TTLL3: variants seen among roughly 807,000 people sequenced by gnomAD.
TTLL3 encodes the protein tubulin tyrosine ligase like 3.
A neutral mutation model predicts 75.2 loss-of-function variants in TTLL3; 63 were observed. The ratio of observed to expected loss-of-function variants is 0.84; its 90% CI spans 0.68 to 1.03. The LOEUF is 1.03. Among genes scored for constraint, TTLL3 ranks in the 50% least tolerant of loss-of-function variants. The pLI is 0.00. For missense variants in TTLL3, 997 were observed against 1,069.9 expected (o/e 0.93, Z 0.95); for synonymous variants, 393 against 418.5 (o/e 0.94, Z 0.74).
At chr3:9,810,009 G>A, upstream of TTLL3, 1 of 442,026 alleles carries the variant, frequency 2.3e-6, no homozygotes, top group Non-Finnish European at 2.8e-6. This position sits in a 1 kb window ranked among gnomAD's most constrained non-coding sequence, Gnocchi z 4.4. Flanking sequence ...AGGGGCGCAT[G>A]CAGGGCCCCG....
Position 9,829,351 on chromosome 3 carries a change from G to T in TTLL3, c.1639G>T (p.Asp547Tyr). The part of the protein sequence containing the change: ...TLRVVIDRML[D>Y]RNCDTGAFEL... Reference sequence around the variant, plus strand: ...GCGCGTGGTCATTGACCGGATGCTGGACCGCAACTGTGACACAGGAGCCTT... The same window carrying T: ...GCGCGTGGTCATTGACCGGATGCTGTACCGCAACTGTGACACAGGAGCCTT... The change falls in exon 11 of 14, where the codon GAC (aspartate) becomes TAC (tyrosine). Residue 547 changes from aspartate (D) to tyrosine (Y), a missense_variant. Coordinates refer to ENST00000685419, the MANE Select transcript of TTLL3 (RefSeq NM_001387446.1). 1 of 1,609,324 alleles carries T rather than the reference G, an allele frequency of 6.2e-7. No individual in the cohort carries two copies. Among genetic ancestry groups the T allele is most frequent in the South Asian group, 1.1e-5 (1 of 90,732 alleles).
intron 11 of TTLL3, among the ~76,000 whole-genome samples, chr3:9,832,875 G>A (rs1250410878): frequency 6.6e-6 from 1 of 152,220 alleles, no homozygotes; most frequent in Non-Finnish European, 1.5e-5. Context: ...GCTGAGGGGT[G>A]CTGGTGGGAC....
At chr3:9,816,352 T>A in intron 5 of TTLL3, 150 bp downstream of exon 5, 2 of 802,992 alleles carry the variant, frequency 2.5e-6, no homozygotes, top group Non-Finnish European at 3.5e-6. Flanking sequence ...GACCAGTATC[T>A]GGCAAGTTCA....
At position 9,825,805 on chromosome 3, in the gene TTLL3, G is replaced by T; in HGVS notation, c.860G>T (p.Gly287Val). The T allele has an allele frequency of 2.5e-6, 4 of 1,614,072 alleles. No individual in the cohort carries two copies. The highest frequency in any genetic ancestry group is 2.5e-6 in the Non-Finnish European group (3 of 1,179,992). ...LQRYYQVVHEGAELRHLDTQV... is the reference protein window; with the variant it reads ...LQRYYQVVHEVAELRHLDTQV... ...GTTCTATCATTTCCCCACAGCGAAG[G>T]GGCAGAACTCAGGCACCTCGACACT... Residue 287 changes from glycine to valine, a missense_variant, in exon 9 of 14, where the codon GGG (glycine) becomes GTG (valine). Gly to Val is a moderately radical substitution (Grantham distance 109, BLOSUM62 -3). Coordinates refer to ENST00000685419, the MANE Select transcript of TTLL3 (RefSeq NM_001387446.1).
At chr3:9,819,011 C>T in intron 7 of TTLL3, 91 bp downstream of exon 7, 2 of 1,525,628 alleles carry the variant, frequency 1.3e-6, no homozygotes, top group Non-Finnish European at 1.8e-6. Context: ...ATCTATTCAT[C>T]CACGCACCTA....
chr3:9,817,733 C>T lies in TTLL3; in HGVS notation c.533C>T (p.Ala178Val). Residue 178 changes from alanine (A) to valine (V), a missense_variant, in exon 6 of 14, where the codon GCT (alanine) becomes GTT (valine). Physicochemically the swap from Ala to Val is moderately conservative, Grantham distance 64 (BLOSUM62 0). Coordinates refer to ENST00000685419, the MANE Select transcript of TTLL3 (RefSeq NM_001387446.1). ...TTCCCACGCTGCTACTGCCTGGGGG[C>T]TGAGGATGACAAAAAAGCCTTCATA... ...SFFPRCYCLG[A>V]EDDKKAFIED... is the part of the protein sequence containing the mutation. The T allele has an allele frequency of 1.2e-6, 2 of 1,614,136 alleles. No individual in the cohort carries two copies. The highest frequency in any genetic ancestry group is 1.7e-6 in the Non-Finnish European group (2 of 1,180,018).
Position 9,835,270 on chromosome 3 carries a change from G to A in TTLL3, c.2229G>A (p.Leu743=), listed in dbSNP as rs1236353384. The stretch of plus-strand genomic sequence containing the variant: ...GCCCCATGAAGAGGCTGAGCCCCCT[G>A]AAACCCCTGCCCCTTGTTGGTACAT... The part of the protein sequence containing the change: ...EACPMKRLSP[L]KPLPLVGTFQ... Residue 743 remains leucine, a synonymous_variant, in exon 14 of 14, where the codon CTG becomes CTA. Coordinates refer to ENST00000685419, the MANE Select transcript of TTLL3 (RefSeq NM_001387446.1). 6.2e-7 allele frequency: 1 copy of A among 1,614,076 alleles called. No homozygotes were observed. Among genetic ancestry groups the A allele is most frequent in the Non-Finnish European group, 8.5e-7 (1 of 1,180,026 alleles).
At chr3:9,826,267 T>C (rs1006090183) in intron 9 of TTLL3, among the ~76,000 whole-genome samples, 1 of 152,206 alleles carries the variant, frequency 6.6e-6, no homozygotes, top group African/African-American at 2.4e-5. Flanking sequence ...ACGTGTAGGC[T>C]TTCACATGAT....
At chr3:9,833,864 A>G (rs1398592203) in intron 12 of TTLL3, among the ~76,000 whole-genome samples, 3 of 151,666 alleles carry the variant, frequency 2.0e-5, no homozygotes, top group Non-Finnish European at 4.4e-5. Flanking sequence ...CAAAAAAAGC[A>G]CTTTGGGAGG....
chr3:9,835,273 A>T lies in TTLL3; in HGVS notation c.2232A>T (p.Lys744Asn), dbSNP rs1200459203. 1.2e-6 allele frequency: 2 copies of T among 1,613,756 alleles called. No homozygotes were observed. The highest frequency in any genetic ancestry group is 1.7e-5 in the Admixed American group (1 of 59,972). The change falls in exon 14 of 14, where the codon AAA (lysine) becomes AAT (asparagine). Residue 744 changes from lysine to asparagine, a missense_variant. Transcript: ENST00000685419. Reference protein sequence around the residue: ...ACPMKRLSPLKPLPLVGTFQR... With the variant: ...ACPMKRLSPLNPLPLVGTFQR... ...CCATGAAGAGGCTGAGCCCCCTGAA[A>T]CCCCTGCCCCTTGTTGGTACATTCC...
intron 13 of TTLL3, 67 bp from the exon 14 acceptor site, chr3:9,835,026 TC>T: frequency 6.3e-7 from 1 of 1,592,122 alleles, no homozygotes; most frequent in Non-Finnish European, 8.6e-7. Flanking sequence ...AGAGCTGGTC[TC>T]CCTCAGAAGC....
In TTLL3 at chr3:9,814,777, C is replaced by T. The variant is rs147480461; in HGVS notation, c.316-1297C>T. On this transcript the variant is annotated intron_variant, in intron 4 of 13. Transcript: ENST00000685419. ...TGGAGGTTGTAGTGAGCTGAAATTGCGCCACTGCACTTCAGCCTGGGTGAC... is the reference window on the plus strand; with the variant it reads ...TGGAGGTTGTAGTGAGCTGAAATTGTGCCACTGCACTTCAGCCTGGGTGAC... Among the ~76,000 whole-genome samples, 316 of 151,890 alleles carry T rather than the reference C, an allele frequency of 2.1e-3. 1 individual carries two copies. Among genetic ancestry groups the T allele is most frequent in the African/African-American group, 7.0e-3 (292 of 41,436 alleles).
chr3:9,824,737 CTTTTTTTT>C (rs71052207), intron 8 of TTLL3, among the ~76,000 whole-genome samples: 17 of 80,676 alleles, frequency 2.1e-4, no homozygotes, highest in African/African-American at 5.2e-4. Context: ...CTTTTCTTTT[CTTTTTTTT>C]TTTTTTTTTT....
chr3:9,821,653 C>G (rs1170300998), intron 8 of TTLL3, among the ~76,000 whole-genome samples: 3 of 152,166 alleles, frequency 2.0e-5, no homozygotes, highest in African/African-American at 7.2e-5. Context: ...ACTCAGGTGG[C>G]CCGGTACTTT....
In TTLL3 at chr3:9,810,420, C is replaced by G. The variant is rs1269864800; in HGVS notation, c.-42+26C>G. On this transcript the variant is annotated intron_variant, in intron 1 of 13. Coordinates refer to ENST00000685419, the MANE Select transcript of TTLL3 (RefSeq NM_001387446.1). This position sits in a 1 kb window ranked among gnomAD's most constrained non-coding sequence, Gnocchi z 4.4. ...GTGAGGCCCGTGCGGCCCGCTCGCTCTGGCCTACAGCGGCTGCGAGGACGA... is the reference window on the plus strand; with the variant it reads ...GTGAGGCCCGTGCGGCCCGCTCGCTGTGGCCTACAGCGGCTGCGAGGACGA... 8 of 1,417,508 alleles carry G rather than the reference C, an allele frequency of 5.6e-6. No homozygotes were observed. The highest frequency in any genetic ancestry group is 7.3e-6 in the Non-Finnish European group (8 of 1,091,986). The allele number at this position is 1,417,508 out of a possible 1,614,324, so 87.8% of individuals were successfully genotyped here.
At position 9,831,987 on chromosome 3, in the gene TTLL3, C is replaced by T. The variant is rs535909082; in HGVS notation, c.1684-1117C>T. 2.7e-5 allele frequency among the ~76,000 whole-genome samples: 4 copies of T among 150,540 alleles called. No homozygotes were observed. The East Asian group carries it at 5.9e-4, about 22-fold the overall frequency. On this transcript the variant is annotated intron_variant, in intron 11 of 13. Coordinates refer to ENST00000685419, the MANE Select transcript of TTLL3 (RefSeq NM_001387446.1). Reference sequence around the variant, plus strand: ...TGTGTTTTTAGTAGAGATGGGGTTTCGCCATGTTGGCCAGGCTGGTCTCCA... The same window carrying T: ...TGTGTTTTTAGTAGAGATGGGGTTTTGCCATGTTGGCCAGGCTGGTCTCCA...
At chr3:9,826,616 C>G (rs952857605) in intron 9 of TTLL3, among the ~76,000 whole-genome samples, 9 of 151,600 alleles carry the variant, frequency 5.9e-5, no homozygotes, top group African/African-American at 2.2e-4. Context: ...ACCCATAATC[C>G]CAGCTACTCG....
At chr3:9,834,939 G>T (rs1485582862) in intron 13 of TTLL3, 32 bp downstream of exon 13, 3 of 1,614,016 alleles carry the variant, frequency 1.9e-6, no homozygotes, top group Non-Finnish European at 2.5e-6. Flanking sequence ...ACACCCAGTG[G>T]ACAGTGCTGA....
intron 2 of TTLL3, among the ~76,000 whole-genome samples, chr3:9,811,608 C>T (rs1297533698): frequency 6.6e-6 from 1 of 152,226 alleles, no homozygotes; most frequent in Non-Finnish European, 1.5e-5. Context: ...TTTTGTAATA[C>T]AGCAGCAAGC....
Sources: allele counts gnomAD v4.1 joint callset (sites outside exome capture counted in the v4.1 genomes callset), GRCh38; gene constraint gnomAD v4.1.1; non-coding constraint Gnocchi (gnomAD v3.1); transcripts MANE v1.5; gene names NCBI Gene and HGNC (gene_info 2026-07-23, HGNC 2026-07-21).